Variants in THOC2 observed in about 807,000 individuals in gnomAD.
The protein encoded by THOC2 is THO complex 2.
Under a neutral mutation model 128.4 loss-of-function variants are expected in THOC2, and 10 were observed. The observed-to-expected ratio is 0.08, with a 90% CI of 0.05 to 0.13. THOC2 has a LOEUF of 0.13. Among genes scored for constraint, THOC2 ranks in the 10% least tolerant of loss-of-function variants. THOC2 has a pLI of 1.00. For synonymous variants in THOC2, 393 were observed against 396.9 expected (o/e 0.99, Z 0.12); for missense variants, 535 against 1,155.7 (o/e 0.46, Z 7.79).
Position 123,636,216 on chromosome X carries a change from A to G in THOC2, c.1922-41T>C, listed in dbSNP as rs758912885. On this transcript the variant is annotated intron_variant, in intron 18 of 38. Coordinates refer to ENST00000245838, the MANE Select transcript of THOC2 (RefSeq NM_001081550.2). ...AAAGAGTAAAAACAACTCATAAAACAAAATGCACAAGTATCATTTCAACTA... is the reference window on the plus strand; with the variant it reads ...AAAGAGTAAAAACAACTCATAAAACGAAATGCACAAGTATCATTTCAACTA... 6 of 1,025,108 alleles carry G rather than the reference A, an allele frequency of 5.9e-6. No individual in the cohort carries two copies. The South Asian group carries it at 1.2e-4, about 21-fold the overall frequency. The allele number at this position is 1,025,108 out of a possible 1,213,427, so 84.5% of individuals were successfully genotyped here.
intron 12 of THOC2, among the ~76,000 whole-genome samples, chrX:123,651,405 G>A (rs1458883248): frequency 9.0e-6 from 1 of 111,485 alleles, no homozygotes; most frequent in Admixed American, 9.5e-5. Context: ...AGAAGCAAGA[G>A]CAAACAAACT....
chrX:123,607,057 TAA>T (rs1180833045), intron 38 of THOC2, among the ~76,000 whole-genome samples: 1 of 100,616 alleles, frequency 9.9e-6, no homozygotes. Flanking sequence ...AAGCAGGAAT[TAA>T]AAAAAAAAAA....
chrX:123,636,150 A>C lies in THOC2; in HGVS notation c.1947T>G (p.Val649=). ...CAAGATCAATTGGATATTTACGAAA[A>C]ACTGCACCACAGAAACTAGCCAGAC... ...LQSLASFCGA[V]FRKYPIDLAG... The change falls in exon 19 of 39, where the codon GTT becomes GTG. Residue 649 remains valine (V), a synonymous_variant. Transcript: ENST00000245838. 1 of 1,209,156 alleles carries C rather than the reference A, an allele frequency of 8.3e-7. No individual in the cohort carries two copies. Among genetic ancestry groups the C allele is most frequent in the Non-Finnish European group, 1.1e-6 (1 of 894,013 alleles).
chrX:123,660,950 G>GTA (rs200002019), intron 12 of THOC2, among the ~76,000 whole-genome samples: 189 of 111,392 alleles, frequency 1.7e-3, no homozygotes, highest in African/African-American at 4.4e-3. Flanking sequence ...AAAATGTGGT[G>GTA]TATATATATA....
chrX:123,611,752 G>T (rs1462532238), intron 36 of THOC2, among the ~76,000 whole-genome samples: 2 of 103,628 alleles, frequency 1.9e-5, no homozygotes, highest in East Asian at 2.9e-4. Context: ...TAGAACTGGA[G>T]AAAAAATTTG....
At chrX:123,679,804 T>C (rs1603298124) in intron 8 of THOC2, among the ~76,000 whole-genome samples, 1 of 112,239 alleles carries the variant, frequency 8.9e-6, no homozygotes, top group African/African-American at 3.2e-5. Flanking sequence ...CCCTGAAACA[T>C]GTGCTGTGTC....
chrX:123,678,512 C>G (rs971794941), intron 8 of THOC2, among the ~76,000 whole-genome samples: 1 of 110,111 alleles, frequency 9.1e-6, no homozygotes, highest in African/African-American at 3.3e-5. Context: ...AGTGATCCAC[C>G]CACCTCGGCT....
intron 1 of THOC2, among the ~76,000 whole-genome samples, chrX:123,726,968 G>T (rs978089931): frequency 5.4e-5 from 6 of 111,550 alleles, no homozygotes; most frequent in Non-Finnish European, 1.1e-4. Flanking sequence ...GGGAGGCTGA[G>T]GGGGGAGGAT....
At chrX:123,711,586 C>A (rs1201315246) in intron 2 of THOC2, among the ~76,000 whole-genome samples, 2 of 110,491 alleles carry the variant, frequency 1.8e-5, no homozygotes, top group Non-Finnish European at 3.8e-5. Flanking sequence ...GAGTTCAAGA[C>A]CAGCCTGACC....
At chrX:123,635,915 A>G (rs2047655907) in intron 19 of THOC2, among the ~76,000 whole-genome samples, 164 bp downstream of exon 19, 1 of 112,290 alleles carries the variant, frequency 8.9e-6, no homozygotes, top group Non-Finnish European at 1.9e-5. Context: ...TTATGTATTA[A>G]GTTATCATTT....
intron 25 of THOC2, among the ~76,000 whole-genome samples, chrX:123,625,357 C>T (rs72609502): frequency 9.0e-6 from 1 of 111,603 alleles, no homozygotes; most frequent in Non-Finnish European, 1.9e-5. Context: ...CTCGGCCTCC[C>T]GAAGTACTGG....
chrX:123,676,773 T>G (rs367950946), intron 8 of THOC2, among the ~76,000 whole-genome samples: 3 of 111,908 alleles, frequency 2.7e-5, no homozygotes, highest in Non-Finnish European at 5.6e-5. Context: ...TTCTACCATG[T>G]AGCCTCTTGG....
At chrX:123,606,548 C>T (rs1023774851) in intron 38 of THOC2, among the ~76,000 whole-genome samples, 2 of 111,176 alleles carry the variant, frequency 1.8e-5, no homozygotes, top group African/African-American at 3.3e-5. Flanking sequence ...GAGCCAAGAT[C>T]GCACCACTGC....
chrX:123,684,712 G>T (rs896526499), intron 8 of THOC2, among the ~76,000 whole-genome samples: 18 of 111,893 alleles, frequency 1.6e-4, no homozygotes, highest in Admixed American at 9.5e-5. Flanking sequence ...TTGAACAAAG[G>T]TATTATGCTC....
intron 9 of THOC2, among the ~76,000 whole-genome samples, chrX:123,670,211 C>A (rs1191300727): frequency 8.9e-6 from 1 of 112,321 alleles, no homozygotes; most frequent in Non-Finnish European, 1.9e-5. Flanking sequence ...TCACTTAAGC[C>A]GTTAACAGTT....
intron 12 of THOC2, among the ~76,000 whole-genome samples, chrX:123,654,982 T>C (rs1011335122): frequency 9.1e-6 from 1 of 109,929 alleles, no homozygotes; most frequent in African/African-American, 3.3e-5. Context: ...GGAAAAGTTG[T>C]AGATATAACT....
intron 12 of THOC2, among the ~76,000 whole-genome samples, chrX:123,650,783 TAC>T (rs1468217065): frequency 8.9e-6 from 1 of 111,887 alleles, no homozygotes; most frequent in African/African-American, 3.3e-5. Flanking sequence ...ATGCGCCCAA[TAC>T]AGGAGCATCC....
At chrX:123,704,192 G>A (rs1194998862) in intron 3 of THOC2, among the ~76,000 whole-genome samples, 2 of 111,625 alleles carry the variant, frequency 1.8e-5, no homozygotes, top group African/African-American at 6.5e-5. Context: ...CTTACCTAAA[G>A]GAAGACTGTT....
At chrX:123,626,886 T>C (rs945191120) in intron 23 of THOC2, among the ~76,000 whole-genome samples, 1 of 111,674 alleles carries the variant, frequency 9.0e-6, no homozygotes, top group East Asian at 2.8e-4. Flanking sequence ...ACTGACACTA[T>C]TAGTCTCAGG....
Sources: gnomAD v4.1 joint callset for allele counts (sites outside exome capture counted in the v4.1 genomes callset) on GRCh38, gnomAD v4.1.1 for gene constraint, MANE v1.5 for transcripts, NCBI Gene and HGNC (gene_info 2026-07-23, HGNC 2026-07-21) for gene names.